The following PLEKHA7 variants were observed in gnomAD, a reference collection of about 807,000 sequenced individuals.
PLEKHA7 encodes pleckstrin homology domain containing A7.
In PLEKHA7, 104 loss-of-function variants were observed where a neutral mutation model predicts 170.0. The ratio of observed to expected loss-of-function variants is 0.61; its 90% CI spans 0.52 to 0.72. PLEKHA7 has a LOEUF of 0.72. PLEKHA7 is among the 30% of genes least tolerant of loss of function. The pLI, the probability that PLEKHA7 is intolerant of heterozygous loss-of-function variation, is 0.00. For missense variants in PLEKHA7, 1,615 were observed against 1,671.7 expected (o/e 0.97, Z 0.59); for synonymous variants, 648 against 660.8 (o/e 0.98, Z 0.30).
intron 10 of PLEKHA7, among the ~76,000 whole-genome samples, chr11:16,818,665 C>T (rs991720946): frequency 6.6e-6 from 1 of 152,246 alleles, no homozygotes; most frequent in African/African-American, 2.4e-5. Context: ...AACTGTGTTT[C>T]ACACCGTGGT....
At chr11:16,931,313 T>C (rs895524963) in intron 3 of PLEKHA7, among the ~76,000 whole-genome samples, 6 of 152,276 alleles carry the variant, frequency 3.9e-5, no homozygotes, top group East Asian at 1.9e-4. Context: ...ATTTGGCTGC[T>C]TGTGGTCTGG....
At chr11:16,801,520 G>A in intron 16 of PLEKHA7, 148 bp downstream of exon 16, 3 of 986,148 alleles carry the variant, frequency 3.0e-6, no homozygotes, top group Non-Finnish European at 4.5e-6. Flanking sequence ...GTTATCTACT[G>A]TCAGGTGGCA....
rs745325836 is a variant in PLEKHA7, at chr11:16,791,976, C to T, written c.2746-777G>A. 4.6e-5 allele frequency among the ~76,000 whole-genome samples: 7 copies of T among 152,224 alleles called. No individual in the cohort carries two copies. The highest frequency in any genetic ancestry group is 7.3e-5 in the Non-Finnish European group (5 of 68,038). ...TCATGCCTTCCACCTCCTAAATTCC[C>T]TCTTTCTCGGTCTAATTTGGTTTTG... is the stretch of plus-strand genomic sequence containing the variant. On this transcript the variant is annotated intron_variant, in intron 19 of 26. Coordinates refer to ENST00000531066, the MANE Select transcript of PLEKHA7 (RefSeq NM_001329630.2). This position sits in a 1 kb window ranked among gnomAD's most constrained non-coding sequence, Gnocchi z 4.5.
At chr11:16,972,527 C>T (rs898715545) in intron 3 of PLEKHA7, among the ~76,000 whole-genome samples, 4 of 152,160 alleles carry the variant, frequency 2.6e-5, no homozygotes, top group African/African-American at 4.8e-5. Context: ...CTTCCTGCCT[C>T]GGCTTCTCAA....
At chr11:16,945,747 C>G (rs1226851944) in intron 3 of PLEKHA7, among the ~76,000 whole-genome samples, 2 of 152,178 alleles carry the variant, frequency 1.3e-5, no homozygotes, top group Non-Finnish European at 2.9e-5. Flanking sequence ...CTTAGCAGAT[C>G]TGAAGGGAAG....
chr11:16,797,789 C>T (rs904481207), intron 17 of PLEKHA7, among the ~76,000 whole-genome samples: 7 of 152,310 alleles, frequency 4.6e-5, no homozygotes, highest in Admixed American at 1.3e-4. Context: ...AGGGATTAAA[C>T]GCAGTCCTCT....
chr11:16,880,704 G>C (rs534338781), intron 3 of PLEKHA7, among the ~76,000 whole-genome samples: 25 of 152,258 alleles, frequency 1.6e-4, no homozygotes, highest in African/African-American at 3.4e-4. Context: ...TTCCATCCCC[G>C]ACAGGTTCAG....
chr11:16,907,421 T>C (rs1173920839), intron 3 of PLEKHA7, among the ~76,000 whole-genome samples: 1 of 122,488 alleles, frequency 8.2e-6, no homozygotes, highest in Non-Finnish European at 1.8e-5. Flanking sequence ...AGCCGCCCCG[T>C]CCGGGAGGTG....
intron 12 of PLEKHA7, among the ~76,000 whole-genome samples, chr11:16,813,930 T>C (rs1590201193): frequency 6.6e-6 from 1 of 152,322 alleles, no homozygotes; most frequent in Middle Eastern, 3.4e-3. Context: ...AGAAGCTAAC[T>C]GTGAGGCAGA....
intron 9 of PLEKHA7, among the ~76,000 whole-genome samples, chr11:16,835,440 G>A (rs528366744): frequency 4.6e-5 from 7 of 152,154 alleles, no homozygotes; most frequent in Non-Finnish European, 8.8e-5. Flanking sequence ...AGTACATCCT[G>A]GCAGAGAAGA....
intron 9 of PLEKHA7, among the ~76,000 whole-genome samples, chr11:16,840,910 C>T (rs746779554): frequency 7.2e-5 from 11 of 152,100 alleles, no homozygotes; most frequent in Non-Finnish European, 1.3e-4. Flanking sequence ...CCTTAGGTTA[C>T]AAGAGAATAC....
At chr11:16,792,650 G>A (rs1189470545) in intron 19 of PLEKHA7, among the ~76,000 whole-genome samples, 3 of 152,166 alleles carry the variant, frequency 2.0e-5, no homozygotes, top group Non-Finnish European at 2.9e-5. Flanking sequence ...GTTGCTGGCA[G>A]TGTTCTATTT....
At chr11:16,940,355 T>G (rs1291526866) in intron 3 of PLEKHA7, among the ~76,000 whole-genome samples, 1 of 148,444 alleles carries the variant, frequency 6.7e-6, no homozygotes, top group Non-Finnish European at 1.5e-5. Flanking sequence ...TGGCGTGATC[T>G]GGGCTCACTG....
chr11:16,862,806 G>A (rs1189847422), intron 4 of PLEKHA7, among the ~76,000 whole-genome samples: 1 of 152,184 alleles, frequency 6.6e-6, no homozygotes, highest in Non-Finnish European at 1.5e-5. Context: ...TCCTAGTCCA[G>A]GGAAGAAAAC....
rs529820516 is a variant in PLEKHA7 at position 16,911,154 on chromosome 11, G to A, written c.222-39972C>T. 1.1e-4 allele frequency among the ~76,000 whole-genome samples: 17 copies of A among 152,334 alleles called. 1 individual carries two copies. The East Asian group carries it at 3.3e-3, about 29-fold the overall frequency. ...AAATTGCAGTTTGAAACAGCACGAGGAAATCAAAATGTGTGTATCTTTTTT... is the reference window on the plus strand; with the variant it reads ...AAATTGCAGTTTGAAACAGCACGAGAAAATCAAAATGTGTGTATCTTTTTT... On this transcript the variant is annotated intron_variant, in intron 3 of 26. Transcript: ENST00000531066.
rs1849744683 is a variant in PLEKHA7 at position 16,816,226 on chromosome 11, C to G, written c.1905G>C (p.Met635Ile). Reference sequence around the variant, plus strand: ...CGCTGACGGTGTGGGTCATGTAACCCATGGAGGGCATGGAGCGTCGGTCCA... The same window carrying G: ...CGCTGACGGTGTGGGTCATGTAACCGATGGAGGGCATGGAGCGTCGGTCCA... ...SHVDRRSMPS[M>I]GYMTHTVSAP... is the part of the protein sequence containing the mutation. Residue 635 changes from methionine to isoleucine, a missense_variant, in exon 12 of 27, where the codon ATG becomes ATC. Met to Ile is a conservative substitution (Grantham distance 10). Coordinates refer to ENST00000531066, the MANE Select transcript of PLEKHA7 (RefSeq NM_001329630.2). 6.2e-7 allele frequency: 1 copy of G among 1,613,938 alleles called. No individual in the cohort carries two copies. The highest frequency in any genetic ancestry group is 8.5e-7 in the Non-Finnish European group (1 of 1,179,894).
intron 3 of PLEKHA7, among the ~76,000 whole-genome samples, chr11:16,950,669 G>GCCAC (rs1270400591): frequency 6.6e-6 from 1 of 152,080 alleles, no homozygotes; most frequent in East Asian, 1.9e-4. Context: ...CCTACCCTTA[G>GCCAC]CCACATTCCC....
chr11:16,945,374 T>G (rs1228214590), intron 3 of PLEKHA7, among the ~76,000 whole-genome samples: 2 of 152,240 alleles, frequency 1.3e-5, no homozygotes, highest in Non-Finnish European at 2.9e-5. Flanking sequence ...AGTAATAGTG[T>G]GTTTACTGTG....
intron 3 of PLEKHA7, chr11:17,013,241 C>G (rs1004612604): frequency 1.3e-5 from 2 of 152,396 alleles, no homozygotes; most frequent in African/African-American, 4.8e-5. Context: ...CCTTCACTTA[C>G]TGCGCCCCAA....
Sources: gnomAD v4.1 joint callset for allele counts (sites outside exome capture counted in the v4.1 genomes callset) on GRCh38, gnomAD v4.1.1 for gene constraint, Gnocchi (gnomAD v3.1) non-coding constraint, MANE v1.5 for transcripts, NCBI Gene and HGNC (gene_info 2026-07-23, HGNC 2026-07-21) for gene names.